GRIA2: variants seen among roughly 807,000 people sequenced by gnomAD.
GRIA2 encodes glutamate ionotropic receptor AMPA type subunit 2, also known as glutamate receptor 2.
A neutral mutation model predicts 97.3 loss-of-function variants in GRIA2; 14 were observed. The observed-to-expected ratio is 0.14, with a 90% CI of 0.10 to 0.23. The LOEUF (loss-of-function observed/expected upper bound fraction) is 0.23. GRIA2 is among the 10% of genes least tolerant of loss of function. The pLI, the probability that GRIA2 is intolerant of heterozygous loss-of-function variation, is 1.00. For synonymous variants in GRIA2, 412 were observed against 387.8 expected (o/e 1.06, Z -0.73); for missense variants, 558 against 1,069.8 (o/e 0.52, Z 6.67).
At chr4:157,238,022 G>T (rs76039798) in intron 2 of GRIA2, among the ~76,000 whole-genome samples, 1 of 152,048 alleles carries the variant, frequency 6.6e-6, no homozygotes, top group Non-Finnish European at 1.5e-5. Context: ...ACTAAAGACC[G>T]CAATCTATAT....
chr4:157,321,325 C>A, intron 5 of GRIA2, 113 bp from the exon 6 acceptor site: 1 of 724,274 alleles, frequency 1.4e-6, no homozygotes, highest in Non-Finnish European at 2.3e-6. Flanking sequence ...CTTATTATAT[C>A]TCATATGTTC....
At chr4:157,239,556 C>A (rs935022267) in intron 2 of GRIA2, among the ~76,000 whole-genome samples, 1 of 151,782 alleles carries the variant, frequency 6.6e-6, no homozygotes, top group African/African-American at 2.4e-5. Flanking sequence ...TAATAATATA[C>A]TTGAAACTAT....
intron 3 of GRIA2, among the ~76,000 whole-genome samples, chr4:157,306,146 A>G (rs1733831650): frequency 6.6e-6 from 1 of 152,156 alleles, no homozygotes; most frequent in South Asian, 2.1e-4. Flanking sequence ...TTGACTGAGG[A>G]TGGCATTTTT....
At chr4:157,275,027 C>T (rs1411108116) in intron 2 of GRIA2, among the ~76,000 whole-genome samples, 1 of 151,840 alleles carries the variant, frequency 6.6e-6, no homozygotes, top group East Asian at 1.9e-4. Flanking sequence ...TCTCCAGCGC[C>T]TGTTGTTTCC....
At chr4:157,344,709 T>C (rs1735698482) in intron 12 of GRIA2, among the ~76,000 whole-genome samples, 2 of 152,134 alleles carry the variant, frequency 1.3e-5, no homozygotes, top group South Asian at 2.1e-4. Flanking sequence ...AGTTATATTA[T>C]TGTTAAATTT....
intron 2 of GRIA2, among the ~76,000 whole-genome samples, chr4:157,256,230 TATAATATA>T (rs1185221728): frequency 4.1e-5 from 5 of 120,884 alleles, no homozygotes; most frequent in African/African-American, 1.4e-4. Context: ...ATATATAATA[TATAATATA>T]TATATATAAT....
intron 11 of GRIA2, among the ~76,000 whole-genome samples, chr4:157,338,334 T>G (rs528669427): frequency 6.6e-6 from 1 of 151,872 alleles, no homozygotes; most frequent in Admixed American, 6.6e-5. Context: ...GAGAAGTGTA[T>G]GTGGGTTCAT....
intron 2 of GRIA2, among the ~76,000 whole-genome samples, chr4:157,280,787 C>T (rs959518563): frequency 6.6e-6 from 1 of 151,968 alleles, no homozygotes; most frequent in Admixed American, 6.6e-5. Context: ...TTAAGTCACA[C>T]AGTCGTAACT....
rs144802092 is a variant in GRIA2, at chr4:157,285,192, A to G, written c.230-18360A>G. On this transcript the variant is annotated intron_variant, in intron 2 of 15. Coordinates refer to ENST00000264426, the MANE Select transcript of GRIA2 (RefSeq NM_001083619.3). Reference sequence around the variant, plus strand: ...TAGATGAGCATCTTCTAATTTTTCAATTAAGCCTTCTGAGTCCCTTTTAAA... The same window carrying G: ...TAGATGAGCATCTTCTAATTTTTCAGTTAAGCCTTCTGAGTCCCTTTTAAA... Among the ~76,000 whole-genome samples the G allele has an allele frequency of 7.5e-4, 113 of 150,926 alleles. 1 individual carries two copies. The highest frequency in any genetic ancestry group is 2.2e-3 in the African/African-American group (92 of 41,222).
chr4:157,265,921 A>G (rs1731748391), intron 2 of GRIA2, among the ~76,000 whole-genome samples: 1 of 152,118 alleles, frequency 6.6e-6, no homozygotes, highest in Non-Finnish European at 1.5e-5. Flanking sequence ...GATAGAAACA[A>G]TGGTGACTTA....
At chr4:157,353,678 G>A (rs567025358) in intron 12 of GRIA2, among the ~76,000 whole-genome samples, 10 of 151,924 alleles carry the variant, frequency 6.6e-5, no homozygotes, top group Non-Finnish European at 7.4e-5. Context: ...GCCAGACTCC[G>A]TCTCAAAAAC....
intron 2 of GRIA2, among the ~76,000 whole-genome samples, chr4:157,224,210 A>G (rs924045429): frequency 2.6e-5 from 4 of 152,172 alleles, no homozygotes; most frequent in African/African-American, 9.7e-5. Flanking sequence ...TCCAGAGACT[A>G]AAATTACCCC....
chr4:157,316,786 C>T (rs1734341791), intron 4 of GRIA2, among the ~76,000 whole-genome samples: 1 of 152,196 alleles, frequency 6.6e-6, no homozygotes, highest in Non-Finnish European at 1.5e-5. Context: ...ATAGCCTTAA[C>T]ATTTCATGCT....
At chr4:157,249,740 C>A (rs1211613018) in intron 2 of GRIA2, 1 of 152,044 alleles carries the variant, frequency 6.6e-6, no homozygotes, top group Non-Finnish European at 1.5e-5. Flanking sequence ...AGGTCTGAGC[C>A]CATTGTAGAC....
intron 5 of GRIA2, 117 bp from the exon 6 acceptor site, chr4:157,321,321 A>G (rs1734555253): frequency 1.4e-6 from 1 of 708,864 alleles, no homozygotes; most frequent in Non-Finnish European, 2.4e-6. Context: ...CAGGCTTATT[A>G]TATCTCATAT....
intron 2 of GRIA2, among the ~76,000 whole-genome samples, chr4:157,301,335 T>C (rs1237952809): frequency 6.6e-6 from 1 of 152,230 alleles, no homozygotes; most frequent in Non-Finnish European, 1.5e-5. Flanking sequence ...TTTTCAACTC[T>C]GTACCCAGAC....
chr4:157,221,942 G>A (rs1729516943), intron 2 of GRIA2, 135 bp downstream of exon 2: 2 of 737,918 alleles, frequency 2.7e-6, no homozygotes, highest in Non-Finnish European at 4.6e-6. Flanking sequence ...CTGCACACAC[G>A]CGTGCGTGTG....
chr4:157,363,531 G>A lies in GRIA2; in HGVS notation c.*100G>A, dbSNP rs1236069374. 2.4e-6 allele frequency: 3 copies of A among 1,237,856 alleles called. No individual in the cohort carries two copies. The highest frequency in any genetic ancestry group is 3.0e-6 in the Non-Finnish European group (3 of 989,908). The allele number at this position is 1,237,856 out of a possible 1,614,324, so 76.7% of individuals were successfully genotyped here. A position where few individuals can be genotyped will look rare whatever the true frequency, so the allele number is the denominator to read the frequency against. ...TGTTATGACTCCAGAATTTCCCAAA[G>A]CAGTGCATGCTGTCCCTTACGTGAG... On this transcript the variant is annotated 3_prime_UTR_variant, in exon 16 of 16. Coordinates refer to ENST00000264426, the MANE Select transcript of GRIA2 (RefSeq NM_001083619.3).
chr4:157,336,313 A>G, intron 10 of GRIA2, 64 bp from the exon 11 acceptor site: 2 of 1,303,454 alleles, frequency 1.5e-6, no homozygotes, highest in Non-Finnish European at 2.1e-6. Flanking sequence ...ATCCAGTGAC[A>G]TAACCACGAT....
Sources: gnomAD v4.1 joint callset for allele counts (sites outside exome capture counted in the v4.1 genomes callset) on GRCh38, gnomAD v4.1.1 for gene constraint, MANE v1.5 for transcripts, NCBI Gene and HGNC (gene_info 2026-07-23, HGNC 2026-07-21) for gene names.